Variants in TAF5 observed in about 807,000 individuals in gnomAD.
TAF5 encodes TATA-box binding protein associated factor 5, also known as transcription initiation factor TFIID subunit 5.
In TAF5, 20 loss-of-function variants were observed where a neutral mutation model predicts 80.9. The observed-to-expected ratio is 0.25, with a 90% CI of 0.17 to 0.36. The LOEUF (loss-of-function observed/expected upper bound fraction) is 0.36. TAF5 is among the 10% of genes least tolerant of loss of function. TAF5 has a pLI of 1.00. For missense variants in TAF5, 863 were observed against 1,029.4 expected (o/e 0.84, Z 2.21); for synonymous variants, 388 against 406.4 (o/e 0.95, Z 0.55).
intron 7 of TAF5, among the ~76,000 whole-genome samples, chr10:103,384,917 G>A (rs2093392125): frequency 6.6e-6 from 1 of 151,992 alleles, no homozygotes; most frequent in African/African-American, 2.4e-5. Flanking sequence ...ACACAGCATG[G>A]GAAAATAGCA....
At chr10:103,377,026 TGGCACAGCA>T (rs1169477489) in intron 2 of TAF5, among the ~76,000 whole-genome samples, 8 of 152,112 alleles carry the variant, frequency 5.3e-5, no homozygotes, top group Non-Finnish European at 1.0e-4. Context: ...TGGAGTATGG[TGGCACAGCA>T]GTCCTAGCTA....
intron 1 of TAF5, among the ~76,000 whole-genome samples, chr10:103,371,584 C>T (rs1320162592): frequency 3.3e-5 from 5 of 152,130 alleles, no homozygotes; most frequent in Admixed American, 6.6e-5. Context: ...TAAATACTTA[C>T]GTTTTCTGTT....
At chr10:103,371,922 A>G (rs964268355) in intron 1 of TAF5, among the ~76,000 whole-genome samples, 6 of 151,796 alleles carry the variant, frequency 4.0e-5, no homozygotes, top group Middle Eastern at 3.5e-3. Context: ...TCCAGGAGAA[A>G]TACTGACTCC....
At position 103,387,680 on chromosome 10, in the gene TAF5, G is replaced by T; in HGVS notation, c.2167G>T (p.Gly723Cys). 1 of 1,610,234 alleles carries T rather than the reference G, an allele frequency of 6.2e-7. No individual in the cohort carries two copies. Among genetic ancestry groups the T allele is most frequent in the South Asian group, 1.1e-5 (1 of 90,626 alleles). ...CTGTTCACTTAGGTTTAGTAGAGAT[G>T]GTGAAATTTTGGCATCAGGTAAATG... is the stretch of plus-strand genomic sequence containing the variant. ...TVCSLRFSRDGEILASGSMDN... is the reference protein window; with the variant it reads ...TVCSLRFSRDCEILASGSMDN... The change falls in exon 10 of 11, where the codon GGT becomes TGT. Residue 723 changes from glycine to cysteine, a missense_variant. Physicochemically the swap from Gly to Cys is radical, Grantham distance 159. Around this residue, in one of 3 missense-constraint regions of TAF5, gnomAD observed 368 missense variants for 461.7 expected, o/e 0.80. Transcript: ENST00000369839.
intron 5 of TAF5, among the ~76,000 whole-genome samples, chr10:103,381,412 G>A (rs2093382642): frequency 1.3e-5 from 2 of 151,800 alleles, no homozygotes; most frequent in Non-Finnish European, 2.9e-5. Context: ...GATTACAGGT[G>A]CCCACCACCC....
intron 1 of TAF5, among the ~76,000 whole-genome samples, chr10:103,371,732 G>T (rs1214285548): frequency 6.6e-6 from 1 of 152,176 alleles, no homozygotes; most frequent in East Asian, 1.9e-4. Context: ...GGGAACACAG[G>T]ATAGGATATG....
At chr10:103,380,117 C>T (rs1191440829) in intron 5 of TAF5, 98 bp downstream of exon 5, 24 of 1,316,456 alleles carry the variant, frequency 1.8e-5, no homozygotes, top group African/African-American at 3.0e-5. Context: ...AATGGAGTTT[C>T]GTTATTTAAA....
At chr10:103,379,477 G>A (rs2093377184) in intron 3 of TAF5, 131 bp from the exon 4 acceptor site, 1 of 820,388 alleles carries the variant, frequency 1.2e-6, no homozygotes, top group Non-Finnish European at 1.8e-6. Context: ...TGGCTATTGG[G>A]TAGACAAATA....
At chr10:103,386,856 T>G (rs995903120) in intron 8 of TAF5, among the ~76,000 whole-genome samples, 1 of 151,816 alleles carries the variant, frequency 6.6e-6, no homozygotes, top group Non-Finnish European at 1.5e-5. Context: ...GTAAAGACGG[T>G]GTTTCACCAT....
At position 103,378,626 on chromosome 10, in the gene TAF5, A is replaced by G. The variant is rs1246562432; in HGVS notation, c.1113+76A>G. 3 of 1,445,996 alleles carry G rather than the reference A, an allele frequency of 2.1e-6. No individual in the cohort carries two copies. The highest frequency in any genetic ancestry group is 1.8e-6 in the Non-Finnish European group (2 of 1,082,266). 89.6% of individuals were successfully genotyped at this position (1,445,996 alleles called of 1,614,324 possible). ...GCATTTCCATCTACATAAGTTACAC[A>G]TTTTTCTTATAGCTAGCTTGGAAAC... On this transcript the variant is annotated intron_variant, in intron 3 of 10. Coordinates refer to ENST00000369839, the MANE Select transcript of TAF5 (RefSeq NM_006951.5). The surrounding 1 kb of genome is among the most constrained non-coding windows in gnomAD (Gnocchi z 4.1).
intron 1 of TAF5, among the ~76,000 whole-genome samples, chr10:103,369,196 C>G (rs576245680): frequency 1.3e-4 from 20 of 151,844 alleles, no homozygotes; most frequent in African/African-American, 4.6e-4. Context: ...TCAGGCTGGT[C>G]TCGAAATCCT....
intron 7 of TAF5, among the ~76,000 whole-genome samples, chr10:103,384,647 G>T (rs1308795544): frequency 6.6e-6 from 1 of 151,942 alleles, no homozygotes; most frequent in Non-Finnish European, 1.5e-5. Context: ...AAGAAGAAAA[G>T]AAAAAAAGAT....
intron 6 of TAF5, among the ~76,000 whole-genome samples, chr10:103,382,239 AC>A (rs1158848707): frequency 6.6e-6 from 1 of 152,158 alleles, no homozygotes; most frequent in Non-Finnish European, 1.5e-5. Flanking sequence ...TTTTTTTGAG[AC>A]AGAGTCTCGC....
chr10:103,368,222 C>T lies in TAF5; in HGVS notation c.233C>T (p.Ala78Val). The T allele has an allele frequency of 1.4e-6, 2 of 1,427,032 alleles. No individual in the cohort carries two copies. Among genetic ancestry groups the T allele is most frequent in the Non-Finnish European group, 1.8e-6 (2 of 1,091,936 alleles). The allele number at this position is 1,427,032 out of a possible 1,614,324, so 88.4% of individuals were successfully genotyped here. A position where few individuals can be genotyped will look rare whatever the true frequency, so the allele number is the denominator to read the frequency against. The change falls in exon 1 of 11, where the codon GCG becomes GTG. Residue 78 changes from alanine (A) to valine (V), a missense_variant. Coordinates refer to ENST00000369839, the MANE Select transcript of TAF5 (RefSeq NM_006951.5). Reference sequence around the variant, plus strand: ...GTCTCCGCCGCTGCCCCGGCGGGGGCGGCCCCGGTGCCCGCCGCTGCTCCG... The same window carrying T: ...GTCTCCGCCGCTGCCCCGGCGGGGGTGGCCCCGGTGCCCGCCGCTGCTCCG... Reference protein sequence around the residue: ...VAVSAAAPAGAAPVPAAAPDA... With the variant: ...VAVSAAAPAGVAPVPAAAPDA...
Position 103,374,581 on chromosome 10 carries a change from C to T in TAF5, c.797+986C>T, listed in dbSNP as rs755394956. 4.6e-5 allele frequency among the ~76,000 whole-genome samples: 7 copies of T among 152,172 alleles called. No homozygotes were observed. The highest frequency in any genetic ancestry group is 8.8e-5 in the Non-Finnish European group (6 of 68,032). On this transcript the variant is annotated intron_variant, in intron 2 of 10. Coordinates refer to ENST00000369839, the MANE Select transcript of TAF5 (RefSeq NM_006951.5). The surrounding 1 kb of genome is among the most constrained non-coding windows in gnomAD (Gnocchi z 4.3). ...AGTGTCTATGTGCCCAGCTGATATT[C>T]AGGTTTTCTTTTATGGAGGAAGACA...
chr10:103,379,806 G>GTA (rs2093378117), intron 4 of TAF5, 35 bp downstream of exon 4: 1 of 1,595,994 alleles, frequency 6.3e-7, no homozygotes, highest in Non-Finnish European at 8.5e-7. Flanking sequence ...GTGTGTGGAG[G>GTA]TATAAGACAA....
In TAF5 at chr10:103,387,284, G is replaced by T; in HGVS notation, c.1939G>T (p.Ala647Ser). The stretch of plus-strand genomic sequence containing the variant: ...TTCTAATTATGTTGCTACGGGCTCT[G>T]CAGACAGAACTGTGCGGCTCTGGGA... ...PNSNYVATGS[A>S]DRTVRLWDVL... Residue 647 changes from alanine (A) to serine (S), a missense_variant, in exon 9 of 11, where the codon GCA (alanine) becomes TCA (serine). Physicochemically the swap from Ala to Ser is moderately conservative, Grantham distance 99. Coordinates refer to ENST00000369839, the MANE Select transcript of TAF5 (RefSeq NM_006951.5). The T allele has an allele frequency of 1.9e-6, 3 of 1,614,148 alleles. No individual in the cohort carries two copies. Among genetic ancestry groups the T allele is most frequent in the Non-Finnish European group, 2.5e-6 (3 of 1,180,030 alleles).
Position 103,367,998 on chromosome 10 carries a change from G to T in TAF5, c.9G>T (p.Ala3=). 3 of 1,460,790 alleles carry T rather than the reference G, an allele frequency of 2.1e-6. No homozygotes were observed. Among genetic ancestry groups the T allele is most frequent in the Non-Finnish European group, 2.7e-6 (3 of 1,113,470 alleles). The allele number at this position is 1,460,790 out of a possible 1,614,324, so 90.5% of individuals were successfully genotyped here. A position where few individuals can be genotyped will look rare whatever the true frequency, so the allele number is the denominator to read the frequency against. Residue 3 remains alanine, a synonymous_variant, in exon 1 of 11, where the codon GCG becomes GCT. Coordinates refer to ENST00000369839, the MANE Select transcript of TAF5 (RefSeq NM_006951.5). MA[A]LAEEQTEVAV... ...GGTGGCTCAGCCGCAAGATGGCGGC[G>T]CTGGCGGAGGAGCAGACGGAGGTGG...
chr10:103,387,989 C>T lies in TAF5; in HGVS notation c.2186-17C>T, dbSNP rs888605786. 1.2e-6 allele frequency: 2 copies of T among 1,606,410 alleles called. No individual in the cohort carries two copies. The highest frequency in any genetic ancestry group is 2.7e-5 in the African/African-American group (2 of 74,676). ...TATGATGGATGCAACTAATGGTTTCCTTTGACTTCCCCTTAGGTTCAATGG... is the reference window on the plus strand; with the variant it reads ...TATGATGGATGCAACTAATGGTTTCTTTTGACTTCCCCTTAGGTTCAATGG... On this transcript the variant is annotated splice_polypyrimidine_tract_variant and intron_variant, in intron 10 of 10. Transcript: ENST00000369839.
Sources: gnomAD v4.1 joint callset for allele counts (sites outside exome capture counted in the v4.1 genomes callset) on GRCh38, gnomAD v4.1.1 for gene constraint, gnomAD v4.1.1 regional missense constraint, Gnocchi (gnomAD v3.1) non-coding constraint, MANE v1.5 for transcripts, NCBI Gene and HGNC (gene_info 2026-07-23, HGNC 2026-07-21) for gene names.